RAB21: variants seen among roughly 807,000 people sequenced by gnomAD.
The protein encoded by RAB21 is ras-related protein Rab-21.
Under a neutral mutation model 33.1 loss-of-function variants are expected in RAB21, and 13 were observed. The observed-to-expected ratio is 0.39, with a 90% CI of 0.26 to 0.62. RAB21 has a LOEUF of 0.62. RAB21 is among the 20% of genes least tolerant of loss of function. The pLI is 0.48. For synonymous variants in RAB21, 91 were observed against 103.7 expected, an observed-to-expected ratio of 0.88 and a Z score of 0.74; for missense variants, 234 against 279.1, an observed-to-expected ratio of 0.84 and a Z score of 1.15.
intron 1 of RAB21, among the ~76,000 whole-genome samples, chr12:71,767,917 G>A (rs1882985715): frequency 6.6e-6 from 1 of 152,052 alleles, no homozygotes; most frequent in South Asian, 2.1e-4. Flanking sequence ...AAATGATTGA[G>A]TTCAAATAAA....
Position 71,798,679 on chromosome 12 carries a change from T to C in RAB21, c.*13006T>C, listed in dbSNP as rs1565903289. 6.6e-6 allele frequency: 1 copy of C among 152,230 alleles called. No homozygotes were observed. The highest frequency in any genetic ancestry group is 1.5e-5 in the Non-Finnish European group (1 of 68,044). 9.4% of individuals were successfully genotyped at this position (152,230 alleles called of 1,614,324 possible). On this transcript the variant is annotated 3_prime_UTR_variant, in exon 7 of 7. Transcript: ENST00000261263. Reference sequence around the variant, plus strand: ...AAAACTATACTGAGATACCAGTTTTTTAACCTATTAATCAAGAAAGACTTT... The same window carrying C: ...AAAACTATACTGAGATACCAGTTTTCTAACCTATTAATCAAGAAAGACTTT...
intron 1 of RAB21, among the ~76,000 whole-genome samples, chr12:71,768,569 T>C (rs1882994240): frequency 6.6e-6 from 1 of 152,148 alleles, no homozygotes; most frequent in Non-Finnish European, 1.5e-5. Flanking sequence ...TTTTATATTT[T>C]TCTCCAATTT....
At chr12:71,770,530 T>A in intron 2 of RAB21, 62 bp from the exon 3 acceptor site, 4 of 1,111,048 alleles carry the variant, frequency 3.6e-6, no homozygotes, top group Non-Finnish European at 5.5e-6. Flanking sequence ...AAGTTCACCA[T>A]AGTTGCAATC....
rs1335542213 is a variant in RAB21 at position 71,796,050 on chromosome 12, A to G, written c.*10377A>G. 2.2e-5 allele frequency: 3 copies of G among 137,788 alleles called. No individual in the cohort carries two copies. Among genetic ancestry groups the G allele is most frequent in the Non-Finnish European group, 3.0e-5 (2 of 66,052 alleles). 8.5% of individuals were successfully genotyped at this position (137,788 alleles called of 1,614,324 possible). A position where few individuals can be genotyped will look rare whatever the true frequency, so the allele number is the denominator to read the frequency against. On this transcript the variant is annotated 3_prime_UTR_variant, in exon 7 of 7. Transcript: ENST00000261263. ...TACATACTCGCCAAGAAATGCTACAAGGAGCCTCTCTGCAAATGCCTGATG... is the reference window on the plus strand; with the variant it reads ...TACATACTCGCCAAGAAATGCTACAGGGAGCCTCTCTGCAAATGCCTGATG...
At chr12:71,757,783 CTCG>C (rs1458935098) in intron 1 of RAB21, among the ~76,000 whole-genome samples, 1 of 152,142 alleles carries the variant, frequency 6.6e-6, no homozygotes, top group Non-Finnish European at 1.5e-5. Context: ...CACCTTTTTT[CTCG>C]TCAACAGAGT....
chr12:71,775,748 G>A (rs547036839), intron 4 of RAB21, among the ~76,000 whole-genome samples: 1 of 152,150 alleles, frequency 6.6e-6, no homozygotes, highest in African/African-American at 2.4e-5. Flanking sequence ...TATTGGCCAG[G>A]CTGTTCTCAA....
chr12:71,783,295 T>C (rs1449691046), intron 6 of RAB21, among the ~76,000 whole-genome samples: 1 of 151,990 alleles, frequency 6.6e-6, no homozygotes, highest in African/African-American at 2.4e-5. Flanking sequence ...AAAAAGTTTA[T>C]AGTTTTAAAG....
intron 4 of RAB21, among the ~76,000 whole-genome samples, chr12:71,778,578 G>A (rs1883153816): frequency 6.6e-6 from 1 of 152,136 alleles, no homozygotes; most frequent in Non-Finnish European, 1.5e-5. Flanking sequence ...CTTACTATGT[G>A]CCAGGCTTTG....
At chr12:71,769,892 G>A in intron 2 of RAB21, 33 bp downstream of exon 2, 9 of 1,194,326 alleles carry the variant, frequency 7.5e-6, no homozygotes, top group Non-Finnish European at 1.0e-5. Flanking sequence ...TATGCGTGGA[G>A]GCTTCTTCCT....
At chr12:71,764,132 G>A (rs974898940) in intron 1 of RAB21, among the ~76,000 whole-genome samples, 2 of 152,166 alleles carry the variant, frequency 1.3e-5, no homozygotes, top group East Asian at 1.9e-4. Flanking sequence ...CCCTCCTTCC[G>A]TTTGTGGACT....
Position 71,782,597 on chromosome 12 carries a change from T to C in RAB21, c.474T>C (p.His158=), listed in dbSNP as rs532563988. The C allele has an allele frequency of 2.3e-5, 37 of 1,602,768 alleles. No homozygotes were observed. Among genetic ancestry groups the C allele is most frequent in the Admixed American group, 3.4e-5 (2 of 58,508 alleles). Residue 158 remains histidine, a synonymous_variant, in exon 6 of 7, where the codon CAT becomes CAC. Coordinates refer to ENST00000261263, the MANE Select transcript of RAB21 (RefSeq NM_014999.4). Reference sequence around the variant, plus strand: ...ATGCAGAATCTGTGGGAGCAAAACATTATCATACTTCAGCCAAACAGAACA... The same window carrying C: ...ATGCAGAATCTGTGGGAGCAAAACACTATCATACTTCAGCCAAACAGAACA... ...ESYAESVGAK[H]YHTSAKQNKG...
At chr12:71,756,829 C>T (rs1290515995) in intron 1 of RAB21, among the ~76,000 whole-genome samples, 1 of 152,146 alleles carries the variant, frequency 6.6e-6, no homozygotes, top group Non-Finnish European at 1.5e-5. Context: ...ATTTTGCTTG[C>T]TTTCTGTCTG....
At chr12:71,758,418 T>TA (rs916251584) in intron 1 of RAB21, among the ~76,000 whole-genome samples, 6 of 152,202 alleles carry the variant, frequency 3.9e-5, no homozygotes, top group African/African-American at 1.4e-4. Context: ...TAGTTGAAGA[T>TA]AGCTATCTTG....
intron 5 of RAB21, 143 bp downstream of exon 5, chr12:71,782,228 A>G: frequency 1.2e-6 from 1 of 814,202 alleles, no homozygotes; most frequent in Non-Finnish European, 1.9e-6. Context: ...TTTACATGGT[A>G]ATTTCTGGGC....
In RAB21 at chr12:71,788,358, C is replaced by CT. The variant is rs1374122679; in HGVS notation, c.*2688dup. The CT allele has an allele frequency of 6.6e-6, 1 of 151,408 alleles. No individual in the cohort carries two copies. Among genetic ancestry groups the CT allele is most frequent in the Non-Finnish European group, 1.5e-5 (1 of 67,846 alleles). The allele number at this position is 151,408 out of a possible 1,614,324, so 9.4% of individuals were successfully genotyped here. ...TTATCTTTCTTAACCTCACGTATTT[C>CT]TTTATCCTTTTTAGTGGGGGCCTGT... On this transcript the variant is annotated 3_prime_UTR_variant, in exon 7 of 7. Transcript: ENST00000261263.
At chr12:71,769,969 A>G (rs1883017999) in intron 2 of RAB21, 110 bp downstream of exon 2, 1 of 466,648 alleles carries the variant, frequency 2.1e-6, no homozygotes, top group Non-Finnish European at 3.6e-6. Flanking sequence ...ATTAAAAAGA[A>G]TCTTAAAATC....
At chr12:71,758,273 T>TA (rs1228342242) in intron 1 of RAB21, among the ~76,000 whole-genome samples, 1 of 152,060 alleles carries the variant, frequency 6.6e-6, no homozygotes, top group Non-Finnish European at 1.5e-5. Context: ...CCTCAGGTGA[T>TA]CCACCTGCCT....
At chr12:71,770,568 A>G (rs1216836949) in intron 2 of RAB21, 24 bp from the exon 3 acceptor site, 1 of 1,451,688 alleles carries the variant, frequency 6.9e-7, no homozygotes, top group Non-Finnish European at 9.7e-7. Flanking sequence ...TTCTGATCTA[A>G]TAAGCATTTG....
Position 71,793,509 on chromosome 12 carries a change from C to G in RAB21, c.*7836C>G, listed in dbSNP as rs1459488543. The G allele has an allele frequency of 6.6e-6, 1 of 152,004 alleles. No individual in the cohort carries two copies. The highest frequency in any genetic ancestry group is 2.4e-5 in the African/African-American group (1 of 41,346). The allele number at this position is 152,004 out of a possible 1,614,324, so 9.4% of individuals were successfully genotyped here. ...TGGCCCTTCTGGTTAGAAAATAGAG[C>G]GAAATCATCCGTTTAAACACACACA... On this transcript the variant is annotated 3_prime_UTR_variant, in exon 7 of 7. Coordinates refer to ENST00000261263, the MANE Select transcript of RAB21 (RefSeq NM_014999.4).
Sources: allele counts gnomAD v4.1 joint callset (sites outside exome capture counted in the v4.1 genomes callset), GRCh38; gene constraint gnomAD v4.1.1; transcripts MANE v1.5; gene names NCBI Gene and HGNC (gene_info 2026-07-23, HGNC 2026-07-21).